The following HS6ST3 variants were observed in gnomAD, a reference collection of about 807,000 sequenced individuals.
The protein encoded by HS6ST3 is heparan-sulfate 6-O-sulfotransferase 3.
A neutral mutation model predicts 36.7 loss-of-function variants in HS6ST3; 12 were observed. The ratio of observed to expected loss-of-function variants is 0.33; its 90% CI spans 0.21 to 0.53. The LOEUF (loss-of-function observed/expected upper bound fraction) is 0.53. Ranked by LOEUF, HS6ST3 falls within the 20% of genes least tolerant of loss-of-function variation. HS6ST3 has a pLI of 0.95. For missense variants in HS6ST3, 584 were observed against 640.9 expected (o/e 0.91, Z 0.96); for synonymous variants, 240 against 257.5 (o/e 0.93, Z 0.65).
chr13:96,465,005 G>T (rs1481336638), intron 1 of HS6ST3, among the ~76,000 whole-genome samples: 1 of 146,254 alleles, frequency 6.8e-6, no homozygotes, highest in Non-Finnish European at 1.5e-5. Context: ...CACACACGAG[G>T]AACTTTAATG....
At chr13:96,334,765 C>G (rs918708438) in intron 1 of HS6ST3, among the ~76,000 whole-genome samples, 1 of 152,138 alleles carries the variant, frequency 6.6e-6, no homozygotes, top group African/African-American at 2.4e-5. Flanking sequence ...CCACCGGGTC[C>G]CTCCCACAAC....
chr13:96,217,606 A>G (rs897033434), intron 1 of HS6ST3, among the ~76,000 whole-genome samples: 9 of 152,192 alleles, frequency 5.9e-5, no homozygotes, highest in African/African-American at 1.9e-4. Flanking sequence ...TAATTTTACA[A>G]ATGAATAAAC....
rs139636375 is a variant in HS6ST3, at chr13:96,452,741, A to T, written c.707+361172A>T. Among the ~76,000 whole-genome samples the T allele has an allele frequency of 1.1e-4, 16 of 152,046 alleles. No homozygotes were observed. The East Asian group carries it at 3.1e-3, about 29-fold the overall frequency. On this transcript the variant is annotated intron_variant, in intron 1 of 1. Coordinates refer to ENST00000376705, the MANE Select transcript of HS6ST3 (RefSeq NM_153456.4). ...ATTTTCTTTTGGCACCTATTCTTCT[A>T]TGTTTTTTATTTCCATACCCTGGAG...
At chr13:96,715,047 A>G (rs935893863) in intron 1 of HS6ST3, among the ~76,000 whole-genome samples, 5 of 152,146 alleles carry the variant, frequency 3.3e-5, no homozygotes. Context: ...GAAGATTTGC[A>G]AACAGCCCAA....
At chr13:96,646,866 C>A (rs1034675745) in intron 1 of HS6ST3, among the ~76,000 whole-genome samples, 4 of 151,982 alleles carry the variant, frequency 2.6e-5, no homozygotes, top group South Asian at 2.1e-4. Flanking sequence ...ACTTTTTCCC[C>A]TTTTTCAAGT....
intron 1 of HS6ST3, among the ~76,000 whole-genome samples, chr13:96,831,975 A>AAAAAAAAAAAAAAAAAAAC (rs1566464310): frequency 5.4e-5 from 8 of 148,632 alleles, no homozygotes; most frequent in African/African-American, 2.0e-4. Context: ...AAAAAAAAAA[A>AAAAAAAAAAAAAAAAAAAC]AAAAACAGAG....
intron 1 of HS6ST3, among the ~76,000 whole-genome samples, chr13:96,716,313 T>C (rs1015437386): frequency 2.6e-5 from 4 of 152,128 alleles, no homozygotes; most frequent in Non-Finnish European, 5.9e-5. Context: ...GTCTAAAGCC[T>C]AGAAGAAATA....
rs543503353 is a variant in HS6ST3, at chr13:96,596,860, C to T, written c.708-235630C>T. On this transcript the variant is annotated intron_variant, in intron 1 of 1. Transcript: ENST00000376705. ...TATACCCAAAGAAATGTAAATTTTT[C>T]GACTATAAAGACACACACTTGCATA... is the stretch of plus-strand genomic sequence containing the variant. Among the ~76,000 whole-genome samples, 24 of 152,130 alleles carry T rather than the reference C, an allele frequency of 1.6e-4. No homozygotes were observed. In the East Asian group the frequency reaches 4.1e-3, roughly 26 times the overall value.
intron 1 of HS6ST3, among the ~76,000 whole-genome samples, chr13:96,779,147 C>T (rs1400597808): frequency 6.6e-6 from 1 of 151,870 alleles, no homozygotes; most frequent in Non-Finnish European, 1.5e-5. Context: ...GGGAGGGGAA[C>T]ATCACACACT....
At chr13:96,552,437 A>C (rs1566394385) in intron 1 of HS6ST3, among the ~76,000 whole-genome samples, 1 of 152,186 alleles carries the variant, frequency 6.6e-6, no homozygotes, top group Non-Finnish European at 1.5e-5. Flanking sequence ...GGCCTTCTGC[A>C]AGTGGTCACA....
intron 1 of HS6ST3, among the ~76,000 whole-genome samples, chr13:96,275,040 C>T (rs372905935): frequency 3.3e-5 from 5 of 151,962 alleles, no homozygotes; most frequent in Admixed American, 6.6e-5. Context: ...TCATTTTCAG[C>T]GTAAATCTTG....
intron 1 of HS6ST3, among the ~76,000 whole-genome samples, chr13:96,112,561 C>T (rs1372657583): frequency 2.1e-5 from 2 of 93,410 alleles, no homozygotes; most frequent in African/African-American, 7.5e-5. Flanking sequence ...GATAAAACCC[C>T]ATCTCTAAAA....
At chr13:96,326,639 C>T (rs184005616) in intron 1 of HS6ST3, among the ~76,000 whole-genome samples, 6 of 152,210 alleles carry the variant, frequency 3.9e-5, no homozygotes, top group South Asian at 2.1e-4. Context: ...AATAAACATC[C>T]GTGTGCATGT....
intron 1 of HS6ST3, among the ~76,000 whole-genome samples, chr13:96,785,606 G>A (rs1280957421): frequency 3.9e-5 from 6 of 152,202 alleles, no homozygotes; most frequent in East Asian, 1.9e-4. Context: ...AGTACCTGCC[G>A]AGATTCTCCT....
At chr13:96,152,297 T>C (rs1311497201) in intron 1 of HS6ST3, among the ~76,000 whole-genome samples, 4 of 151,092 alleles carry the variant, frequency 2.6e-5, no homozygotes, top group Admixed American at 6.6e-5. Flanking sequence ...CTAAAGTATA[T>C]TTCCAACTGG....
rs189330787 is a variant in HS6ST3 at position 96,447,391 on chromosome 13, G to A, written c.707+355822G>A. 6.2e-4 allele frequency among the ~76,000 whole-genome samples: 94 copies of A among 152,242 alleles called. No individual in the cohort carries two copies. In the East Asian group the frequency reaches 0.017, roughly 27 times the overall value. On this transcript the variant is annotated intron_variant, in intron 1 of 1. Transcript: ENST00000376705. ...TCTTCATTTCCATCTTATTGTTATA[G>A]GAGTTACTAAGAAATTATTTTCGGC...
At chr13:96,482,571 G>A (rs1006862170) in intron 1 of HS6ST3, among the ~76,000 whole-genome samples, 8 of 151,478 alleles carry the variant, frequency 5.3e-5, no homozygotes, top group Non-Finnish European at 1.2e-4. Context: ...ATGATCAAAC[G>A]ACTTGATTAA....
chr13:96,560,072 C>A (rs188851903), intron 1 of HS6ST3, among the ~76,000 whole-genome samples: 1 of 152,198 alleles, frequency 6.6e-6, no homozygotes. Context: ...CTCCACAGGC[C>A]TATAGTTGGC....
intron 1 of HS6ST3, among the ~76,000 whole-genome samples, chr13:96,661,891 T>G (rs1439426773): frequency 2.0e-5 from 3 of 152,168 alleles, no homozygotes; most frequent in Non-Finnish European, 4.4e-5. Flanking sequence ...TTTCTGGCAG[T>G]TCTTTTCTTT....
Sources: allele counts gnomAD v4.1 joint callset (sites outside exome capture counted in the v4.1 genomes callset), GRCh38; gene constraint gnomAD v4.1.1; transcripts MANE v1.5; gene names NCBI Gene and HGNC (gene_info 2026-07-23, HGNC 2026-07-21).